The following LARGE1 variants were observed in gnomAD, a reference collection of about 807,000 sequenced individuals.
The protein encoded by LARGE1 is xylosyl- and glucuronyltransferase LARGE1.
LARGE1 carries 43 observed loss-of-function variants against 87.6 expected under a neutral mutation model. The observed-to-expected ratio is 0.49, with a 90% CI of 0.38 to 0.63. The LOEUF is 0.63. LARGE1 is among the 30% of genes least tolerant of loss of function. LARGE1 has a pLI of 0.00. For synonymous variants in LARGE1, 434 were observed against 394.6 expected (o/e 1.10, Z -1.18); for missense variants, 802 against 1,000.2 (o/e 0.80, Z 2.67).
At chr22:33,379,643 G>C (rs2065096399) in intron 9 of LARGE1, among the ~76,000 whole-genome samples, 1 of 152,182 alleles carries the variant, frequency 6.6e-6, no homozygotes, top group African/African-American at 2.4e-5. Context: ...ATAAGTTCAT[G>C]TCCTTTGTAG....
chr22:33,648,413 T>C (rs1047034794), intron 3 of LARGE1, among the ~76,000 whole-genome samples: 3 of 152,240 alleles, frequency 2.0e-5, no homozygotes, highest in Admixed American at 6.5e-5. Flanking sequence ...CTTTAGGTTC[T>C]ATGTCATAAT....
intron 4 of LARGE1, among the ~76,000 whole-genome samples, chr22:33,624,107 G>A (rs535881070): frequency 3.3e-5 from 5 of 152,322 alleles, no homozygotes; most frequent in East Asian, 1.9e-4. Flanking sequence ...TGTCATGAAT[G>A]TGGAACTGAA....
intron 2 of LARGE1, among the ~76,000 whole-genome samples, chr22:33,667,999 G>A (rs1272710568): frequency 1.3e-5 from 2 of 151,884 alleles, no homozygotes; most frequent in Admixed American, 1.3e-4. Flanking sequence ...TATCTTTTCC[G>A]CCATTTTTCA....
At chr22:33,079,449 G>A in the LARGE1 span, among the ~76,000 whole-genome samples, 1 of 151,816 alleles carries the variant, frequency 6.6e-6, no homozygotes, top group Admixed American at 6.6e-5. Context: ...GCATGGTCTC[G>A]ATCTCCTGAC....
intron 1 of LARGE1, among the ~76,000 whole-genome samples, chr22:33,913,073 C>A (rs2065684077): frequency 6.6e-6 from 1 of 151,754 alleles, no homozygotes; most frequent in South Asian, 2.1e-4. Context: ...CTCAGGTGAT[C>A]CCCCCACCTC....
chr22:33,279,766 A>G (rs78324545), intron 13 of LARGE1, among the ~76,000 whole-genome samples: 7,111 of 152,320 alleles, frequency 0.047, 227 homozygotes, highest in Middle Eastern at 0.088. Context: ...TTAGGCCCAG[A>G]AGCAGTTGCT....
At chr22:33,081,938 C>T in the LARGE1 span, among the ~76,000 whole-genome samples, 2 of 152,154 alleles carry the variant, frequency 1.3e-5, no homozygotes, top group South Asian at 2.1e-4. Context: ...AAGCAATATG[C>T]TTTAGGCTAA....
intron 11 of LARGE1, among the ~76,000 whole-genome samples, chr22:33,226,735 TA>T (rs199778942): frequency 0.019 from 1,434 of 77,392 alleles, 15 homozygotes; most frequent in Non-Finnish European, 0.023. Flanking sequence ...TATTTATTAT[TA>T]TTTTTTTTTT....
At chr22:33,489,367 C>T (rs933369686) in intron 6 of LARGE1, among the ~76,000 whole-genome samples, 6 of 152,168 alleles carry the variant, frequency 3.9e-5, no homozygotes, top group African/African-American at 1.4e-4. Flanking sequence ...GAACACTTCA[C>T]TATGCGCAGG....
chr22:33,601,031 C>T lies in LARGE1; in HGVS notation c.615+3404G>A, dbSNP rs140815922. On this transcript the variant is annotated intron_variant, in intron 5 of 14. Transcript: ENST00000397394. The stretch of plus-strand genomic sequence containing the variant: ...GTTGCAATGAGCCGAGATCACGCCA[C>T]TGCACTCCAGCCTGGGCGACAGAGC... Among the ~76,000 whole-genome samples the T allele has an allele frequency of 7.7e-4, 117 of 152,292 alleles. 2 individuals are homozygous for T. Among genetic ancestry groups the T allele is most frequent in the African/African-American group, 2.6e-3 (106 of 41,558 alleles).
chr22:33,760,446 C>T (rs2084681434), intron 2 of LARGE1, among the ~76,000 whole-genome samples: 1 of 152,118 alleles, frequency 6.6e-6, no homozygotes, highest in South Asian at 2.1e-4. Flanking sequence ...CTTTCATCCC[C>T]AGCCCAGGTC....
intron 6 of LARGE1, among the ~76,000 whole-genome samples, chr22:33,505,983 A>G (rs920523690): frequency 6.6e-6 from 1 of 152,164 alleles, no homozygotes; most frequent in African/African-American, 2.4e-5. Flanking sequence ...GTCCTGAAGC[A>G]TAGTAGGTGC....
intron 13 of LARGE1, 128 bp downstream of exon 13, chr22:33,283,074 G>T: frequency 1.7e-6 from 2 of 1,172,894 alleles, no homozygotes; most frequent in Non-Finnish European, 2.6e-6. Flanking sequence ...AGAAAGCGGT[G>T]CTTTCCTGGC....
chr22:33,404,470 T>C (rs539193663), intron 7 of LARGE1, among the ~76,000 whole-genome samples: 1 of 152,262 alleles, frequency 6.6e-6, no homozygotes, highest in African/African-American at 2.4e-5. Context: ...CCCTACCTAA[T>C]AGAAAGTGGC....
At chr22:33,683,328 C>T (rs1455211911) in intron 2 of LARGE1, among the ~76,000 whole-genome samples, 1 of 152,184 alleles carries the variant, frequency 6.6e-6, no homozygotes, top group Non-Finnish European at 1.5e-5. Flanking sequence ...TGAGCTGGGA[C>T]ACTGGTCTTT....
chr22:33,678,767 C>G (rs568250192), intron 2 of LARGE1, among the ~76,000 whole-genome samples: 6 of 152,264 alleles, frequency 3.9e-5, no homozygotes, highest in African/African-American at 1.4e-4. Context: ...GGGACAGAAC[C>G]CTGCATGACT....
intron 11 of LARGE1, among the ~76,000 whole-genome samples, chr22:33,208,572 C>T (rs1485917592): frequency 7.3e-6 from 1 of 137,256 alleles, no homozygotes; most frequent in Non-Finnish European, 1.5e-5. Flanking sequence ...AAAAACAAGT[C>T]ACTTTTTTTT....
At chr22:33,430,070 A>G (rs370843903) in intron 7 of LARGE1, among the ~76,000 whole-genome samples, 1 of 152,208 alleles carries the variant, frequency 6.6e-6, no homozygotes, top group African/African-American at 2.4e-5. Flanking sequence ...AGAGCCCAGA[A>G]TTCTCCATTG....
chr22:33,675,657 A>G (rs985645135), intron 2 of LARGE1, among the ~76,000 whole-genome samples: 15 of 152,194 alleles, frequency 9.9e-5, no homozygotes, highest in African/African-American at 3.4e-4. Context: ...TTCTGGTTCA[A>G]GGAAGTTCTA....
Sources: gnomAD v4.1 joint callset for allele counts (sites outside exome capture counted in the v4.1 genomes callset) on GRCh38, gnomAD v4.1.1 for gene constraint, MANE v1.5 for transcripts, NCBI Gene and HGNC (gene_info 2026-07-23, HGNC 2026-07-21) for gene names.